The following NAV3 variants were observed in gnomAD, a reference collection of about 807,000 sequenced individuals.
NAV3 encodes pore membrane and/or filament interacting like protein 1.
In NAV3, 87 loss-of-function variants were observed where a neutral mutation model predicts 244.7. That is an observed-to-expected ratio of 0.36 (90% CI 0.30 to 0.42). The LOEUF (loss-of-function observed/expected upper bound fraction) is 0.42. Among genes scored for constraint, NAV3 ranks in the 20% least tolerant of loss-of-function variants. The pLI is 1.00. For missense variants in NAV3, 2,663 were observed against 2,893.3 expected (o/e 0.92, Z 1.83); for synonymous variants, 1,126 against 1,042.2 (o/e 1.08, Z -1.55).
chr12:77,969,322 G>A (rs1892797852), intron 5 of NAV3, among the ~76,000 whole-genome samples: 1 of 151,822 alleles, frequency 6.6e-6, no homozygotes. Flanking sequence ...TTCCAATATA[G>A]AATTATATCA....
At chr12:77,797,348 T>C (rs1310866831) in intron 2 of NAV3, among the ~76,000 whole-genome samples, 5 of 152,026 alleles carry the variant, frequency 3.3e-5, no homozygotes, top group Non-Finnish European at 7.4e-5. Flanking sequence ...TTTCTACATA[T>C]GGTTTTATAT....
At chr12:78,158,055 A>G (rs1015586373) in intron 22 of NAV3, among the ~76,000 whole-genome samples, 4 of 152,122 alleles carry the variant, frequency 2.6e-5, no homozygotes, top group Non-Finnish European at 5.9e-5. Context: ...TTATTAAGTA[A>G]TAAGCTTTAA....
intron 1 of NAV3, among the ~76,000 whole-genome samples, chr12:77,844,679 ATATT>A (rs2136196976): frequency 6.6e-6 from 1 of 152,298 alleles, no homozygotes; most frequent in South Asian, 2.1e-4. Flanking sequence ...GTTCTATTAA[ATATT>A]TTTTCGTTGG....
rs146144034 is a variant in NAV3 at position 78,044,959 on chromosome 12, A to G, written c.2024-5034A>G. Among the ~76,000 whole-genome samples, 514 of 152,278 alleles carry G rather than the reference A, an allele frequency of 3.4e-3. 2 individuals are homozygous for G. The highest frequency in any genetic ancestry group is 0.012 in the African/African-American group (489 of 41,550). On this transcript the variant is annotated intron_variant, in intron 9 of 39. Transcript: ENST00000397909. ...CTGATTACCCTTGCCAAAACTTCCA[A>G]TACTATGTTGAATAGGAGTGGTGAT...
intron 2 of NAV3, among the ~76,000 whole-genome samples, chr12:77,591,432 C>A (rs1451025865): frequency 1.3e-5 from 2 of 152,142 alleles, no homozygotes; most frequent in Non-Finnish European, 2.9e-5. Flanking sequence ...TTGTTTTACA[C>A]AAACTCCAAA....
intron 2 of NAV3, among the ~76,000 whole-genome samples, chr12:77,704,191 T>A (rs966662260): frequency 6.6e-6 from 1 of 152,206 alleles, no homozygotes; most frequent in Non-Finnish European, 1.5e-5. Flanking sequence ...AAAAGCTTTC[T>A]ACTCCATTAG....
intron 1 of NAV3, among the ~76,000 whole-genome samples, chr12:77,882,645 C>T (rs1882797686): frequency 1.3e-5 from 2 of 152,048 alleles, no homozygotes; most frequent in South Asian, 2.1e-4. Flanking sequence ...AAACAGACAA[C>T]CTTAGAGCAT....
At chr12:78,188,514 C>A in intron 32 of NAV3, 95 bp from the exon 33 acceptor site, 1 of 1,298,144 alleles carries the variant, frequency 7.7e-7, no homozygotes, top group Non-Finnish European at 1.1e-6. Context: ...TTCTAATATT[C>A]TTGACAACTA....
intron 2 of NAV3, among the ~76,000 whole-genome samples, chr12:77,657,595 T>C (rs1379047053): frequency 1.3e-5 from 2 of 152,180 alleles, no homozygotes; most frequent in African/African-American, 4.8e-5. Context: ...GAATCCTCCC[T>C]AACTCATTTT....
chr12:77,831,466 C>A lies in NAV3; in HGVS notation c.5C>A (p.Pro2His). The A allele has an allele frequency of 1.2e-6, 2 of 1,600,948 alleles. No homozygotes were observed. The highest frequency in any genetic ancestry group is 1.7e-4 in the Middle Eastern group (1 of 5,968). Residue 2 changes from proline to histidine, a missense_variant, in exon 1 of 40, where the codon CCT becomes CAT. Coordinates refer to ENST00000397909, the MANE Select transcript of NAV3 (RefSeq NM_001024383.2). M[P>H]VLGVASKLRQ... ...GAAGATAATTTTATAGAAGCCATGC[C>A]TGTTCTTGGGGTTGCCTCAAAACTG...
chr12:78,173,377 A>T (rs982749079), intron 24 of NAV3, among the ~76,000 whole-genome samples: 3 of 151,626 alleles, frequency 2.0e-5, no homozygotes, highest in Non-Finnish European at 4.4e-5. Flanking sequence ...GTCAAACACA[A>T]TTTATTAATT....
chr12:78,206,078 G>C (rs1960273027), intron 39 of NAV3, among the ~76,000 whole-genome samples: 1 of 152,028 alleles, frequency 6.6e-6, no homozygotes, highest in Admixed American at 6.6e-5. Flanking sequence ...TGGAAAACCT[G>C]ATAAACTTTC....
chr12:77,658,056 G>C (rs1048701061), intron 2 of NAV3, among the ~76,000 whole-genome samples: 5 of 150,678 alleles, frequency 3.3e-5, no homozygotes, highest in African/African-American at 1.2e-4. Context: ...ACAAGACAGG[G>C]ATGCCCTCTC....
At chr12:78,188,798 CA>C in intron 33 of NAV3, 21 bp downstream of exon 33, 2 of 1,604,212 alleles carry the variant, frequency 1.2e-6, no homozygotes, top group Non-Finnish European at 1.7e-6. Context: ...TAATGAAAAG[CA>C]AGGCAGAAAT....
intron 2 of NAV3, among the ~76,000 whole-genome samples, chr12:77,798,046 C>CTACT (rs1871514532): frequency 6.6e-6 from 1 of 151,810 alleles, no homozygotes; most frequent in African/African-American, 2.4e-5. Flanking sequence ...CCTGTAATCC[C>CTACT]AGCTACTAGG....
intron 2 of NAV3, among the ~76,000 whole-genome samples, chr12:77,733,193 G>A (rs1346410393): frequency 2.6e-5 from 4 of 152,050 alleles, no homozygotes; most frequent in Admixed American, 2.0e-4. Context: ...AGTAGGCACA[G>A]AGAGGAGGGA....
chr12:77,585,016 C>G (rs1459444837), intron 2 of NAV3, among the ~76,000 whole-genome samples: 1 of 152,186 alleles, frequency 6.6e-6, no homozygotes, highest in East Asian at 1.9e-4. Flanking sequence ...GGGGCAGCCT[C>G]AGTCCTGCTA....
intron 1 of NAV3, among the ~76,000 whole-genome samples, chr12:77,876,804 T>C (rs1163136373): frequency 6.6e-6 from 1 of 152,136 alleles, no homozygotes; most frequent in South Asian, 2.1e-4. Context: ...GATTAAAATT[T>C]GGCTTAAGAT....
At chr12:78,061,530 A>T (rs918205293) in intron 12 of NAV3, among the ~76,000 whole-genome samples, 2 of 152,118 alleles carry the variant, frequency 1.3e-5, no homozygotes, top group Admixed American at 1.3e-4. Flanking sequence ...AAATTGCAAA[A>T]AGGTCATAGT....
Sources: gnomAD v4.1 joint callset for allele counts (sites outside exome capture counted in the v4.1 genomes callset) on GRCh38, gnomAD v4.1.1 for gene constraint, MANE v1.5 for transcripts, NCBI Gene and HGNC (gene_info 2026-07-23, HGNC 2026-07-21) for gene names.